The following CIAO3 variants were observed in gnomAD, a reference collection of about 807,000 sequenced individuals.
CIAO3 encodes cytosolic iron-sulfur assembly component 3.
In CIAO3, 45 loss-of-function variants were observed where a neutral mutation model predicts 51.5. The observed-to-expected ratio is 0.87, with a 90% CI of 0.69 to 1.12. The LOEUF is 1.12. Among genes scored for constraint, CIAO3 ranks in the 50% most tolerant of loss-of-function variants. The pLI is 0.00. For missense variants in CIAO3, 668 were observed against 632.5 expected (o/e 1.06, Z -0.60); for synonymous variants, 314 against 269.3 (o/e 1.17, Z -1.63).
Position 739,708 on chromosome 16 carries a change from T to A in CIAO3, c.97A>T (p.Arg33Trp). 6.2e-7 allele frequency: 1 copy of A among 1,613,928 alleles called. No individual in the cohort carries two copies. The highest frequency in any genetic ancestry group is 8.5e-7 in the Non-Finnish European group (1 of 1,179,940). ...ATCTTGGCCACGCCACTTCCCGCCCTTTTTTCCACTTTGACAGGCTTGATG... is the reference window on the plus strand; with the variant it reads ...ATCTTGGCCACGCCACTTCCCGCCCATTTTTCCACTTTGACAGGCTTGATG... ...ECIKPVKVEK[R>W]AGSGVAKIRI... Residue 33 changes from arginine (R) to tryptophan (W), a missense_variant, in exon 2 of 11, where the codon AGG becomes TGG. Physicochemically the swap from Arg to Trp is moderately radical, Grantham distance 101. Transcript: ENST00000251588.
At chr16:739,575 G>A in intron 2 of CIAO3, 68 bp downstream of exon 2, 1 of 1,471,536 alleles carries the variant, frequency 6.8e-7, no homozygotes, top group East Asian at 2.3e-5. Flanking sequence ...TGTGACGGGA[G>A]GAAGCAGAGA....
intron 1 of CIAO3, 171 bp from the exon 2 acceptor site, chr16:739,909 C>T: frequency 7.8e-7 from 1 of 1,275,140 alleles, no homozygotes; most frequent in Non-Finnish European, 1.1e-6. Flanking sequence ...ACTGCTCTCA[C>T]CCAGGGATCG....
In CIAO3 at chr16:737,493, C is replaced by T. The variant is rs1050133144; in HGVS notation, c.163-164G>A. The T allele has an allele frequency of 2.0e-5, 31 of 1,520,492 alleles. No homozygotes were observed. In the Admixed American group the frequency reaches 2.2e-4, roughly 11 times the overall value. The allele number at this position is 1,520,492 out of a possible 1,614,324, so 94.2% of individuals were successfully genotyped here. On this transcript the variant is annotated intron_variant, in intron 2 of 10. Coordinates refer to ENST00000251588, the MANE Select transcript of CIAO3 (RefSeq NM_022493.3). This position sits in a 1 kb window ranked among gnomAD's most constrained non-coding sequence, Gnocchi z 5.3. ...TAGGTATGTATTACAAAAATGCACA[C>T]GCACGCTCTACAGTTTCATAATGCC...
intron 1 of CIAO3, 99 bp downstream of exon 1, chr16:740,821 T>C: frequency 7.9e-7 from 1 of 1,258,150 alleles, no homozygotes; most frequent in South Asian, 1.3e-5. Context: ...GGGATTCGGA[T>C]CTCATTCCTC....
chr16:732,438 C>A (rs774460165), intron 7 of CIAO3, 65 bp from the exon 8 acceptor site: 1 of 1,563,840 alleles, frequency 6.4e-7, no homozygotes, highest in Non-Finnish European at 8.8e-7. Context: ...CAGAGAACAT[C>A]CAAGCCACCT....
chr16:734,461 C>T, intron 5 of CIAO3, 114 bp from the exon 6 acceptor site: 1 of 855,372 alleles, frequency 1.2e-6, no homozygotes, highest in Non-Finnish European at 1.9e-6. Flanking sequence ...ATCATGATGA[C>T]ATTAAAGAGT....
chr16:735,919 C>T (rs758365370), intron 4 of CIAO3, among the ~76,000 whole-genome samples: 1 of 152,218 alleles, frequency 6.6e-6, no homozygotes, highest in Non-Finnish European at 1.5e-5. Context: ...CCTCCCCAAG[C>T]CCAGCTCCAG....
intron 2 of CIAO3, chr16:738,202 G>A: frequency 1.0e-6 from 1 of 993,984 alleles, no homozygotes. Flanking sequence ...ACGCCTACCA[G>A]CACCCCAGCA....
Position 730,906 on chromosome 16 carries a change from C to T in CIAO3, c.1129G>A (p.Val377Met), listed in dbSNP as rs1297756220. ...CAGCGCCCTCGTTTGAGCCTCTGCA[C>T]CAGGTTCTGGATGTTGCGGAAGCCG... ...AYGFRNIQNL[V>M]QRLKRGRCPY... The change falls in exon 10 of 11, where the codon GTG (valine) becomes ATG (methionine). Residue 377 changes from valine to methionine, a missense_variant. Transcript: ENST00000251588. 5 of 1,612,848 alleles carry T rather than the reference C, an allele frequency of 3.1e-6. No individual in the cohort carries two copies. Among genetic ancestry groups the T allele is most frequent in the South Asian group, 2.2e-5 (2 of 91,092 alleles).
chr16:736,181 G>T, intron 4 of CIAO3, 85 bp downstream of exon 4: 1 of 1,547,748 alleles, frequency 6.5e-7, no homozygotes, highest in Non-Finnish European at 8.8e-7. Flanking sequence ...TAGCGTGTCA[G>T]TGACTCAGAG....
At chr16:735,872 G>C (rs1440361446) in intron 4 of CIAO3, among the ~76,000 whole-genome samples, 2 of 152,154 alleles carry the variant, frequency 1.3e-5, no homozygotes, top group African/African-American at 2.4e-5. Flanking sequence ...CCAGGCACTG[G>C]AGCCTAGTTA....
In CIAO3 at chr16:730,982, C is replaced by T; in HGVS notation, c.1053G>A (p.Glu351=). The change falls in exon 10 of 11, where the codon GAG becomes GAA. Residue 351 remains glutamate (E), a synonymous_variant. Transcript: ENST00000251588. ...YKPLRNKDFQ[E]VTLEKEGQVL... is the part of the protein sequence containing the mutation. ...CCTGGCCCTCCTTCTCCAGTGTCAC[C>T]TCCTGGAAGTCTTTGTTCCTGGGGG... The T allele has an allele frequency of 3.1e-6, 5 of 1,612,802 alleles. No homozygotes were observed. Among genetic ancestry groups the T allele is most frequent in the Non-Finnish European group, 4.2e-6 (5 of 1,179,920 alleles).
At chr16:732,031 CCAT>C in intron 8 of CIAO3, 2 of 530,340 alleles carry the variant, frequency 3.8e-6, no homozygotes, top group Non-Finnish European at 3.3e-6. Flanking sequence ...TGGATTACCA[CCAT>C]GTCTGGCTAA....
intron 2 of CIAO3, chr16:739,442 T>C (rs2041370174): frequency 3.3e-6 from 2 of 608,104 alleles, no homozygotes; most frequent in Non-Finnish European, 5.9e-6. Flanking sequence ...ATCAAGCTGT[T>C]TGGCCTGGGT....
chr16:734,307 G>A lies in CIAO3; in HGVS notation c.615C>T (p.Ile205=). The change falls in exon 6 of 11, where the codon ATC becomes ATT. Residue 205 remains isoleucine (I), a synonymous_variant. Transcript: ENST00000251588. ...CYAEKTHGSF[I]LPHISTARSP... ...ACCGGGCGGTGCTGATGTGGGGGAGGATGAAGCTGCCGTGAGTCTTCTCGG... is the reference window on the plus strand; with the variant it reads ...ACCGGGCGGTGCTGATGTGGGGGAGAATGAAGCTGCCGTGAGTCTTCTCGG... 6.2e-7 allele frequency: 1 copy of A among 1,611,836 alleles called. No homozygotes were observed. The highest frequency in any genetic ancestry group is 8.5e-7 in the Non-Finnish European group (1 of 1,179,878).
At chr16:731,401 GC>G in intron 9 of CIAO3, 163 bp downstream of exon 9, 1 of 1,009,886 alleles carries the variant, frequency 9.9e-7, no homozygotes. Flanking sequence ...CACACCCTGA[GC>G]CCGCCAGGAG....
In CIAO3 at chr16:734,390, C is replaced by T. The variant is rs761220350; in HGVS notation, c.575-43G>A. 30 of 1,410,644 alleles carry T rather than the reference C, an allele frequency of 2.1e-5. No individual in the cohort carries two copies. In the African/African-American group the frequency reaches 2.6e-4, roughly 12 times the overall value. The allele number at this position is 1,410,644 out of a possible 1,614,324, so 87.4% of individuals were successfully genotyped here. A position where few individuals can be genotyped will look rare whatever the true frequency, so the allele number is the denominator to read the frequency against. ...ACACGGGGCTGGCGGGGGCGCACGGCGGCCCCCGCACCCACAGGCAGCAGC... is the reference window on the plus strand; with the variant it reads ...ACACGGGGCTGGCGGGGGCGCACGGTGGCCCCCGCACCCACAGGCAGCAGC... On this transcript the variant is annotated intron_variant, in intron 5 of 10. Coordinates refer to ENST00000251588, the MANE Select transcript of CIAO3 (RefSeq NM_022493.3).
chr16:731,417 C>G (rs1235946359), intron 9 of CIAO3, 148 bp downstream of exon 9: 2 of 1,183,060 alleles, frequency 1.7e-6, no homozygotes, highest in African/African-American at 3.1e-5. Context: ...CAGGAGGGCC[C>G]TGCCTGGCCC....
At chr16:732,209 C>T in intron 8 of CIAO3, 92 bp downstream of exon 8, 1 of 1,354,692 alleles carries the variant, frequency 7.4e-7, no homozygotes, top group Non-Finnish European at 1.0e-6. Context: ...CCAAGATGGG[C>T]TGCGGGGAGG....
Sources: allele counts gnomAD v4.1 joint callset (sites outside exome capture counted in the v4.1 genomes callset), GRCh38; gene constraint gnomAD v4.1.1; non-coding constraint Gnocchi (gnomAD v3.1); transcripts MANE v1.5; gene names NCBI Gene and HGNC (gene_info 2026-07-23, HGNC 2026-07-21).